Variants in SFXN1 observed in about 807,000 individuals in gnomAD.
SFXN1 encodes the protein sideroflexin 1.
A neutral mutation model predicts 39.5 loss-of-function variants in SFXN1; 32 were observed. The observed-to-expected ratio is 0.81, with a 90% CI of 0.61 to 1.09. The LOEUF (loss-of-function observed/expected upper bound fraction) is 1.09. Among genes scored for constraint, SFXN1 ranks in the 50% least tolerant of loss-of-function variants. The probability of loss-of-function intolerance (pLI) is 0.00; values close to 1 mark genes in which losing one functional copy is unlikely to be tolerated. For missense variants in SFXN1, 402 were observed against 407.1 expected (o/e 0.99, Z 0.11); for synonymous variants, 136 against 146.5 (o/e 0.93, Z 0.52).
chr5:175,509,256 A>G, intron 3 of SFXN1, 54 bp downstream of exon 3: 2 of 1,493,876 alleles, frequency 1.3e-6, no homozygotes, highest in Non-Finnish European at 9.0e-7. Context: ...AGCTCAAAGT[A>G]TATTTTTGTA....
chr5:175,495,046 G>A (rs6556213), intron 2 of SFXN1, among the ~76,000 whole-genome samples: 41,982 of 152,070 alleles, frequency 0.28, 6,078 homozygotes, highest in South Asian at 0.44. Context: ...CCAGGTGTCC[G>A]TCAGCAGATG....
chr5:175,480,464 T>C (rs1160392036), intron 1 of SFXN1, among the ~76,000 whole-genome samples: 1 of 151,518 alleles, frequency 6.6e-6, no homozygotes, highest in Non-Finnish European at 1.5e-5. Flanking sequence ...GCTTAGTACG[T>C]ATTCAGAGGT....
intron 10 of SFXN1, chr5:175,524,116 AAAAAAAAAAAT>A (rs1760966125): frequency 1.5e-5 from 1 of 67,752 alleles, no homozygotes; most frequent in African/African-American, 5.7e-5. Flanking sequence ...AAAAAAAAAA[AAAAAAAAAAAT>A]ATATATATAT....
chr5:175,510,751 C>G (rs979599680), intron 4 of SFXN1, among the ~76,000 whole-genome samples: 2 of 152,070 alleles, frequency 1.3e-5, no homozygotes, highest in African/African-American at 2.4e-5. Context: ...AATAGGCTCA[C>G]AAGATTAGTT....
In SFXN1 at chr5:175,499,312, G is replaced by A. The variant is rs115454379; in HGVS notation, c.164+7045G>A. Among the ~76,000 whole-genome samples the A allele has an allele frequency of 5.2e-3, 782 of 151,550 alleles. 5 individuals are homozygous for A. The highest frequency in any genetic ancestry group is 0.018 in the African/African-American group (729 of 41,332). ...ACTCCAGCAGAAAGCAGAAGAGTCAGGAAACACTTCATTATTCATTTCATG... is the reference window on the plus strand; with the variant it reads ...ACTCCAGCAGAAAGCAGAAGAGTCAAGAAACACTTCATTATTCATTTCATG... On this transcript the variant is annotated intron_variant, in intron 2 of 10. Transcript: ENST00000321442.
At chr5:175,492,470 A>C in intron 2 of SFXN1, 1 of 450,506 alleles carries the variant, frequency 2.2e-6, no homozygotes, top group Non-Finnish European at 3.9e-6. Context: ...TCTAGGGTTC[A>C]TATTAACCTG....
chr5:175,488,982 C>T (rs1300331376), intron 1 of SFXN1, among the ~76,000 whole-genome samples: 2 of 152,212 alleles, frequency 1.3e-5, no homozygotes, highest in African/African-American at 4.8e-5. Flanking sequence ...TCCTTTCACT[C>T]TGCCATCCCA....
intron 7 of SFXN1, chr5:175,513,824 G>A (rs1412150064): frequency 5.0e-6 from 2 of 400,304 alleles, no homozygotes; most frequent in Non-Finnish European, 9.4e-6. Context: ...GCACTGGGTG[G>A]AGGTGTGGGA....
At position 175,526,644 on chromosome 5, in the gene SFXN1, G is replaced by A. The variant is rs745407656; in HGVS notation, c.879G>A (p.Met293Ile). The change falls in exon 11 of 11, where the codon ATG becomes ATA. Residue 293 changes from methionine (M) to isoleucine (I), a missense_variant. Met to Ile is a conservative substitution (Grantham distance 10, BLOSUM62 1). Transcript: ENST00000321442. ...CATTTCTCCCTTATCCCAGTTCCAT[G>A]TCTGTGACAAGCTTGGAGGCCGAGT... is the stretch of plus-strand genomic sequence containing the variant. ...CCALFPQKSS[M>I]SVTSLEAELQ... 6.2e-7 allele frequency: 1 copy of A among 1,614,054 alleles called. No individual in the cohort carries two copies. The highest frequency in any genetic ancestry group is 8.5e-7 in the Non-Finnish European group (1 of 1,179,898).
At chr5:175,512,508 G>T (rs1760557509) in intron 6 of SFXN1, among the ~76,000 whole-genome samples, 1 of 152,168 alleles carries the variant, frequency 6.6e-6, no homozygotes, top group Non-Finnish European at 1.5e-5. Flanking sequence ...ACATTGAGTT[G>T]TGCTTGGGTT....
chr5:175,502,684 A>G (rs552433542), intron 2 of SFXN1, among the ~76,000 whole-genome samples: 1 of 152,234 alleles, frequency 6.6e-6, no homozygotes, highest in Non-Finnish European at 1.5e-5. Flanking sequence ...TACTAAAAAT[A>G]TAAAAAATTA....
rs1176463488 is a variant in SFXN1 at position 175,527,291 on chromosome 5, A to C, written c.*557A>C. ...AAGGTGATGAAGCTTTTGGATTTGGAGGGTAAAAGCTCCTTCACACCCCTT... is the reference window on the plus strand; with the variant it reads ...AAGGTGATGAAGCTTTTGGATTTGGCGGGTAAAAGCTCCTTCACACCCCTT... On this transcript the variant is annotated 3_prime_UTR_variant, in exon 11 of 11. Transcript: ENST00000321442. The C allele has an allele frequency of 6.6e-6, 1 of 152,544 alleles. No individual in the cohort carries two copies. The highest frequency in any genetic ancestry group is 2.4e-5 in the African/African-American group (1 of 41,446). 9.4% of individuals were successfully genotyped at this position (152,544 alleles called of 1,614,324 possible).
At chr5:175,487,005 G>A (rs140424011) in intron 1 of SFXN1, among the ~76,000 whole-genome samples, 277 of 152,282 alleles carry the variant, frequency 1.8e-3, no homozygotes, top group African/African-American at 5.8e-3. Context: ...AGATTCCTTG[G>A]TATTCAATTT....
intron 1 of SFXN1, among the ~76,000 whole-genome samples, chr5:175,486,290 C>T (rs1759446980): frequency 6.6e-6 from 1 of 152,196 alleles, no homozygotes; most frequent in Non-Finnish European, 1.5e-5. Context: ...GGCCAGTGCC[C>T]TGGAGGCTGC....
intron 2 of SFXN1, among the ~76,000 whole-genome samples, chr5:175,503,413 C>T (rs1323108260): frequency 6.6e-6 from 1 of 152,106 alleles, no homozygotes; most frequent in African/African-American, 2.4e-5. Context: ...TAGCATCCAA[C>T]CTTGTGTTAA....
In SFXN1 at chr5:175,493,843, G is replaced by A. The variant is rs564091724; in HGVS notation, c.164+1576G>A. 4.6e-5 allele frequency among the ~76,000 whole-genome samples: 7 copies of A among 152,276 alleles called. No homozygotes were observed. The South Asian group carries it at 1.4e-3, about 32-fold the overall frequency. On this transcript the variant is annotated intron_variant, in intron 2 of 10. Transcript: ENST00000321442. ...AAACTTTTTCCGTAAAGGGCCAGAC[G>A]ACAAGTATTTTAGGCTTTACAGGCC...
intron 2 of SFXN1, among the ~76,000 whole-genome samples, chr5:175,508,524 C>T (rs190034039): frequency 9.9e-5 from 15 of 152,118 alleles, no homozygotes; most frequent in African/African-American, 3.1e-4. Flanking sequence ...CATAAGCCAC[C>T]GCGCCCAGCC....
intron 1 of SFXN1, among the ~76,000 whole-genome samples, chr5:175,483,131 T>C (rs1759318819): frequency 6.6e-6 from 1 of 152,244 alleles, no homozygotes. Context: ...CAGTTTTTAA[T>C]TTCTCTATGA....
chr5:175,514,356 G>A (rs957523864), intron 7 of SFXN1, among the ~76,000 whole-genome samples: 2 of 152,150 alleles, frequency 1.3e-5, no homozygotes, highest in African/African-American at 4.8e-5. Context: ...ACCAAAAATA[G>A]AAAGTCTACA....
Sources: allele counts gnomAD v4.1 joint callset (sites outside exome capture counted in the v4.1 genomes callset), GRCh38; gene constraint gnomAD v4.1.1; transcripts MANE v1.5; gene names NCBI Gene and HGNC (gene_info 2026-07-23, HGNC 2026-07-21).